AK7: variants seen among roughly 807,000 people sequenced by gnomAD.
AK7 encodes the protein adenylate kinase 7.
In AK7, 78 loss-of-function variants were observed where a neutral mutation model predicts 96.6. That is an observed-to-expected ratio of 0.81 (90% CI 0.67 to 0.97). The LOEUF is 0.97. Among genes scored for constraint, AK7 ranks in the 50% least tolerant of loss-of-function variants. AK7 has a pLI of 0.00. For synonymous variants in AK7, 302 were observed against 317.2 expected (o/e 0.95, Z 0.51); for missense variants, 855 against 887.9 (o/e 0.96, Z 0.47).
chr14:96,435,916 G>T (rs753195907), intron 5 of AK7, among the ~76,000 whole-genome samples: 1 of 152,142 alleles, frequency 6.6e-6, no homozygotes, highest in African/African-American at 2.4e-5. Context: ...TGGCTTTGGC[G>T]ATTCCAAACT....
At chr14:96,403,250 G>T (rs1396712427) in intron 2 of AK7, among the ~76,000 whole-genome samples, 2 of 152,080 alleles carry the variant, frequency 1.3e-5, no homozygotes, top group Non-Finnish European at 2.9e-5. Flanking sequence ...AGAACATCAT[G>T]TGAATATCAA....
intron 12 of AK7, among the ~76,000 whole-genome samples, chr14:96,465,197 C>T (rs1441333571): frequency 1.3e-5 from 2 of 152,230 alleles, no homozygotes; most frequent in African/African-American, 4.8e-5. Flanking sequence ...TGCCGTGGCT[C>T]ACGCCTGTAA....
At chr14:96,445,985 A>C (rs1195822910) in intron 7 of AK7, among the ~76,000 whole-genome samples, 1 of 152,252 alleles carries the variant, frequency 6.6e-6, no homozygotes, top group Non-Finnish European at 1.5e-5. Context: ...CCCTCAGCAC[A>C]GAAGCAAGCG....
rs867286931 is a variant in AK7, at chr14:96,471,606, C to A, written c.1486C>A (p.Gln496Lys). Residue 496 changes from glutamine (Q) to lysine (K), a missense_variant and splice_region_variant, in exon 13 of 18, where the codon CAG becomes AAG. Transcript: ENST00000267584. ...TGATCAAGCAAAAGACCTGTTCAAT[C>A]GTAAGTTTGAGTGTTCTATTTTGAG... is the stretch of plus-strand genomic sequence containing the variant. ...TYDQAKDLFN[Q>K]EDEEEEDDVR... 1 of 1,544,098 alleles carries A rather than the reference C, an allele frequency of 6.5e-7. No individual in the cohort carries two copies. Among genetic ancestry groups the A allele is most frequent in the Admixed American group, 2.1e-5 (1 of 48,356 alleles).
In AK7 at chr14:96,442,742, G is replaced by T; in HGVS notation, c.703G>T (p.Gly235Cys). 6.2e-7 allele frequency: 1 copy of T among 1,614,148 alleles called. No individual in the cohort carries two copies. The highest frequency in any genetic ancestry group is 8.5e-7 in the Non-Finnish European group (1 of 1,179,984). Reference protein sequence around the residue: ...LHTFFKMAWLGEIPALPVFGD... With the variant: ...LHTFFKMAWLCEIPALPVFGD... ...TTCTTCCTTTCAGATGGCTTGGTTG[G>T]GCGAGATTCCTGCATTACCAGTTTT... is the stretch of plus-strand genomic sequence containing the variant. The change falls in exon 7 of 18, where the codon GGC becomes TGC. Residue 235 changes from glycine to cysteine, a missense_variant. Physicochemically the swap from Gly to Cys is radical, Grantham distance 159. Coordinates refer to ENST00000267584, the MANE Select transcript of AK7 (RefSeq NM_152327.5).
chr14:96,397,632 G>T (rs1020954812), intron 1 of AK7, among the ~76,000 whole-genome samples: 2 of 151,880 alleles, frequency 1.3e-5, no homozygotes, highest in Non-Finnish European at 2.9e-5. Context: ...ATAAGTGCCT[G>T]TAGTCCCAGC....
chr14:96,398,856 A>G (rs1256894807), intron 2 of AK7: 1 of 153,854 alleles, frequency 6.5e-6, no homozygotes, highest in African/African-American at 2.4e-5. Context: ...AGACATTTAA[A>G]TGTCTGAGAA....
At chr14:96,484,747 C>G (rs773601178) in intron 16 of AK7, among the ~76,000 whole-genome samples, 19 of 152,156 alleles carry the variant, frequency 1.2e-4, no homozygotes, top group Non-Finnish European at 2.6e-4. Flanking sequence ...CTTACTCTAC[C>G]TATTATATAC....
rs999804107 is a variant in AK7, at chr14:96,442,803, T to A, written c.764T>A (p.Val255Asp). 6 of 1,614,086 alleles carry A rather than the reference T, an allele frequency of 3.7e-6. No individual in the cohort carries two copies. The South Asian group carries it at 6.6e-5, about 18-fold the overall frequency. ...ACAAATGTAATTCCAACAATCCATG[T>A]TCTTGATCTAGCAGGGTAAGCATTC... Reference protein sequence around the residue: ...DGTNVIPTIHVLDLAGVIQNV... With the variant: ...DGTNVIPTIHDLDLAGVIQNV... Residue 255 changes from valine to aspartate, a missense_variant, in exon 7 of 18, where the codon GTT (valine) becomes GAT (aspartate). Physicochemically the swap from Val to Asp is radical, Grantham distance 152. Coordinates refer to ENST00000267584, the MANE Select transcript of AK7 (RefSeq NM_152327.5).
chr14:96,452,916 G>A (rs1028673997), intron 10 of AK7, among the ~76,000 whole-genome samples: 3 of 152,196 alleles, frequency 2.0e-5, no homozygotes, highest in South Asian at 2.1e-4. Context: ...AAGCACCTGC[G>A]TAGAGCTTTG....
chr14:96,455,192 A>G lies in AK7; in HGVS notation c.1099-1155A>G, dbSNP rs1047070164. Among the ~76,000 whole-genome samples, 17 of 151,404 alleles carry G rather than the reference A, an allele frequency of 1.1e-4. 1 individual carries two copies. The highest frequency in any genetic ancestry group is 4.6e-4 in the Admixed American group (7 of 15,210). On this transcript the variant is annotated intron_variant, in intron 10 of 17. Transcript: ENST00000267584. Reference sequence around the variant, plus strand: ...CAAAATAGTAACAATAATAATAGTAATTAAAGACCAAGCCAGGTGCAGTGG... The same window carrying G: ...CAAAATAGTAACAATAATAATAGTAGTTAAAGACCAAGCCAGGTGCAGTGG...
chr14:96,459,198 C>G (rs1003586332), intron 12 of AK7, among the ~76,000 whole-genome samples: 1 of 151,904 alleles, frequency 6.6e-6, no homozygotes, highest in African/African-American at 2.4e-5. Flanking sequence ...ATTAGCTGGG[C>G]GTGGTGGCAC....
At chr14:96,464,773 A>G (rs1894466380) in intron 12 of AK7, among the ~76,000 whole-genome samples, 1 of 152,146 alleles carries the variant, frequency 6.6e-6, no homozygotes, top group African/African-American at 2.4e-5. Flanking sequence ...AAATATCAGG[A>G]CATTTCTATA....
intron 2 of AK7, among the ~76,000 whole-genome samples, chr14:96,402,185 G>GCACACA (rs34222287): frequency 0.072 from 10,597 of 146,188 alleles, 435 homozygotes; most frequent in African/African-American, 0.11. Flanking sequence ...ATACACAGAT[G>GCACACA]CACACACACA....
intron 9 of AK7, among the ~76,000 whole-genome samples, chr14:96,451,020 C>T (rs908052115): frequency 4.0e-5 from 6 of 149,216 alleles, no homozygotes; most frequent in Non-Finnish European, 7.4e-5. Context: ...GTGATCTGCC[C>T]GCCTTGGTCT....
chr14:96,431,776 G>T (rs1406532661), intron 5 of AK7, among the ~76,000 whole-genome samples: 1 of 152,146 alleles, frequency 6.6e-6, no homozygotes, highest in Non-Finnish European at 1.5e-5. Context: ...TAGTATGTCT[G>T]CTTGGTGCAG....
intron 5 of AK7, chr14:96,421,405 CCTT>C (rs1435636075): frequency 6.6e-6 from 1 of 152,400 alleles, no homozygotes; most frequent in African/African-American, 2.4e-5. Context: ...CTCATCTACT[CCTT>C]CTAACAAGGC....
At chr14:96,467,059 A>AAG (rs1245489661) in intron 12 of AK7, among the ~76,000 whole-genome samples, 3 of 151,962 alleles carry the variant, frequency 2.0e-5, no homozygotes, top group African/African-American at 7.2e-5. Context: ...AAAAAAAAAA[A>AAG]AAAGGCAAAG....
At chr14:96,481,326 C>CATTT (rs942721920) in intron 15 of AK7, among the ~76,000 whole-genome samples, 80 of 152,036 alleles carry the variant, frequency 5.3e-4, no homozygotes, top group Middle Eastern at 6.8e-3. Context: ...GGGAGAAATG[C>CATTT]ATTTATTTAT....
Sources: gnomAD v4.1 joint callset for allele counts (sites outside exome capture counted in the v4.1 genomes callset) on GRCh38, gnomAD v4.1.1 for gene constraint, MANE v1.5 for transcripts, NCBI Gene and HGNC (gene_info 2026-07-23, HGNC 2026-07-21) for gene names.